CCDC91: variants seen among roughly 807,000 people sequenced by gnomAD.
CCDC91 encodes the protein coiled-coil domain-containing protein 91.
CCDC91 carries 48 observed loss-of-function variants against 63.2 expected under a neutral mutation model. The observed-to-expected ratio is 0.76, with a 90% confidence interval of 0.60 to 0.97. The LOEUF (loss-of-function observed/expected upper bound fraction) is 0.97, where lower values mean the gene tolerates loss of function less well. Ranked by LOEUF, CCDC91 falls within the 50% of genes least tolerant of loss-of-function variation. The pLI is 0.00. For synonymous variants in CCDC91, 167 were observed against 165.8 expected (o/e 1.01, Z -0.06); for missense variants, 500 against 494.6 (o/e 1.01, Z -0.10).
At chr12:28,531,319 A>G (rs1206108311) in intron 12 of CCDC91, among the ~76,000 whole-genome samples, 1 of 152,206 alleles carries the variant, frequency 6.6e-6, no homozygotes, top group Admixed American at 6.5e-5. Context: ...AGATTTTATG[A>G]TAAAAATTAA....
chr12:28,421,325 C>T (rs1056675415), intron 8 of CCDC91, among the ~76,000 whole-genome samples: 20 of 152,084 alleles, frequency 1.3e-4, no homozygotes, highest in East Asian at 7.7e-4. Flanking sequence ...AAGCCTAGTA[C>T]CCAGTAGATA....
chr12:28,414,921 C>T (rs569254546), intron 8 of CCDC91, among the ~76,000 whole-genome samples: 9 of 152,142 alleles, frequency 5.9e-5, no homozygotes, highest in African/African-American at 2.2e-4. Context: ...TGAAAAAACC[C>T]GTTCCTCTTG....
intron 12 of CCDC91, among the ~76,000 whole-genome samples, chr12:28,513,543 A>G (rs1441221622): frequency 6.6e-6 from 1 of 151,850 alleles, no homozygotes; most frequent in Non-Finnish European, 1.5e-5. Context: ...ATATTCCAAA[A>G]TCAAAAAAAT....
At chr12:28,343,640 G>C (rs1004507905) in intron 6 of CCDC91, among the ~76,000 whole-genome samples, 1 of 152,080 alleles carries the variant, frequency 6.6e-6, no homozygotes, top group African/African-American at 2.4e-5. Flanking sequence ...GGAGAGGAAT[G>C]TTCCTTTTTC....
At chr12:28,271,500 T>C (rs1233313591) in intron 3 of CCDC91, among the ~76,000 whole-genome samples, 4 of 152,140 alleles carry the variant, frequency 2.6e-5, no homozygotes, top group Admixed American at 2.6e-4. Flanking sequence ...GATTAAGTGA[T>C]ACTTGAATTT....
At chr12:28,271,324 T>G (rs1249163607) in intron 3 of CCDC91, among the ~76,000 whole-genome samples, 1 of 152,120 alleles carries the variant, frequency 6.6e-6, no homozygotes, top group African/African-American at 2.4e-5. Flanking sequence ...TATTTTCTAT[T>G]GTCTATTTTA....
chr12:28,432,452 G>T (rs11049596), intron 8 of CCDC91, among the ~76,000 whole-genome samples: 13,130 of 151,806 alleles, frequency 0.086, 1,727 homozygotes, highest in African/African-American at 0.28. Context: ...TTTCCTGCAT[G>T]CTCACACTCT....
chr12:28,296,193 T>C (rs1242377201), intron 3 of CCDC91, among the ~76,000 whole-genome samples: 1 of 151,710 alleles, frequency 6.6e-6, no homozygotes, highest in African/African-American at 2.4e-5. Flanking sequence ...GTTACATTTA[T>C]ATTTATGTTT....
At position 28,305,721 on chromosome 12, in the gene CCDC91, G is replaced by A. The variant is rs1565768059; in HGVS notation, c.182G>A (p.Cys61Tyr). Residue 61 changes from cysteine (C) to tyrosine (Y), a missense_variant, in exon 4 of 13, where the codon TGC becomes TAC. Coordinates refer to ENST00000536442, the MANE Select transcript of CCDC91 (RefSeq NM_018318.5). ...CGTGACCACTCTTCTTCCATTGGCT[G>A]CCTCTCTTCTGATGCCATTATTTCA... ...LDRDHSSSIGCLSSDAIISSP... is the reference protein window; with the variant it reads ...LDRDHSSSIGYLSSDAIISSP... 1 of 1,613,088 alleles carries A rather than the reference G, an allele frequency of 6.2e-7. No homozygotes were observed. Among genetic ancestry groups the A allele is most frequent in the East Asian group, 2.2e-5 (1 of 44,812 alleles).
At position 28,391,311 on chromosome 12, in the gene CCDC91, T is replaced by G. The variant is rs141995518; in HGVS notation, c.662T>G (p.Leu221Arg). 1.9e-6 allele frequency: 3 copies of G among 1,608,292 alleles called. No homozygotes were observed. Among genetic ancestry groups the G allele is most frequent in the African/African-American group, 1.3e-5 (1 of 74,822 alleles). ...SIIVDEYKAL[L>R]QSSVKQQVEA... ...TTTTTTGCTTGTTTTCAGGCACTACTGCAGTCTTCAGTTAAGCAACAAGTA... is the reference window on the plus strand; with the variant it reads ...TTTTTTGCTTGTTTTCAGGCACTACGGCAGTCTTCAGTTAAGCAACAAGTA... Residue 221 changes from leucine to arginine, a missense_variant, in exon 8 of 13, where the codon CTG becomes CGG. By Grantham distance (102) the Leu-to-Arg change is moderately radical. Transcript: ENST00000536442.
chr12:28,221,310 G>A (rs540315523), intron 1 of CCDC91, among the ~76,000 whole-genome samples: 7 of 151,942 alleles, frequency 4.6e-5, no homozygotes, highest in African/African-American at 1.7e-4. Flanking sequence ...AAGTTATAAA[G>A]CATATTTATA....
At chr12:28,521,742 T>G (rs1358168010) in intron 12 of CCDC91, among the ~76,000 whole-genome samples, 1 of 152,036 alleles carries the variant, frequency 6.6e-6, no homozygotes, top group Non-Finnish European at 1.5e-5. Flanking sequence ...TTTGAGATAC[T>G]TCCCATCAAT....
At chr12:28,252,630 A>C (rs1270263908) in intron 1 of CCDC91, among the ~76,000 whole-genome samples, 1 of 152,088 alleles carries the variant, frequency 6.6e-6, no homozygotes, top group Admixed American at 6.6e-5. Flanking sequence ...TTCGTAATTC[A>C]TGGATGAACT....
chr12:28,235,619 T>G (rs1344793820), intron 1 of CCDC91, among the ~76,000 whole-genome samples: 1 of 148,972 alleles, frequency 6.7e-6, no homozygotes, highest in Non-Finnish European at 1.5e-5. Flanking sequence ...ACGAGGAAAA[T>G]GAAGCTCAGT....
At position 28,439,457 on chromosome 12, in the gene CCDC91, C is replaced by CAATGTTTAAG. The variant is rs1209525853; in HGVS notation, c.763-10703_763-10694dup. ...TCTTACCAGATCACTTGATCTTACT[C>CAATGTTTAAG]AATGTTTAAGCTTTATAGAAGGTAA... On this transcript the variant is annotated intron_variant, in intron 8 of 12. Coordinates refer to ENST00000536442, the MANE Select transcript of CCDC91 (RefSeq NM_018318.5). Among the ~76,000 whole-genome samples, 4 of 152,062 alleles carry CAATGTTTAAG rather than the reference C, an allele frequency of 2.6e-5. No individual in the cohort carries two copies. The East Asian group carries it at 7.7e-4, about 29-fold the overall frequency.
intron 6 of CCDC91, among the ~76,000 whole-genome samples, chr12:28,311,069 A>C (rs1418416797): frequency 6.6e-6 from 1 of 151,940 alleles, no homozygotes; most frequent in South Asian, 2.1e-4. Flanking sequence ...CTGATACTGT[A>C]TAGTTTGGGA....
intron 3 of CCDC91, among the ~76,000 whole-genome samples, chr12:28,284,467 A>G (rs1274715555): frequency 6.6e-6 from 1 of 152,108 alleles, no homozygotes; most frequent in Non-Finnish European, 1.5e-5. Context: ...AGCCTGACCA[A>G]CATGAGGAAA....
intron 12 of CCDC91, among the ~76,000 whole-genome samples, chr12:28,490,707 C>T (rs1288545769): frequency 6.6e-6 from 1 of 151,804 alleles, no homozygotes; most frequent in Non-Finnish European, 1.5e-5. Context: ...GATTTTAAAA[C>T]TTATTCACTA....
intron 1 of CCDC91, among the ~76,000 whole-genome samples, chr12:28,214,409 A>G (rs1233034627): frequency 1.3e-5 from 2 of 152,128 alleles, no homozygotes; most frequent in Non-Finnish European, 2.9e-5. Flanking sequence ...TCCTTCAGGA[A>G]TGAAAGTTAG....
Sources: gnomAD v4.1 joint callset for allele counts (sites outside exome capture counted in the v4.1 genomes callset) on GRCh38, gnomAD v4.1.1 for gene constraint, MANE v1.5 for transcripts, NCBI Gene and HGNC (gene_info 2026-07-23, HGNC 2026-07-21) for gene names.